TBC1D19: variants seen among roughly 807,000 people sequenced by gnomAD.
TBC1D19 encodes the protein TBC1 domain family, member 19.
TBC1D19 carries 60 observed loss-of-function variants against 89.0 expected under a neutral mutation model. The ratio of observed to expected loss-of-function variants is 0.67; its 90% CI spans 0.55 to 0.84. TBC1D19 has a LOEUF of 0.84. Ranked by LOEUF, TBC1D19 falls within the 40% of genes least tolerant of loss-of-function variation. The probability of loss-of-function intolerance (pLI) is 0.00; values close to 1 mark genes in which losing one functional copy is unlikely to be tolerated. For synonymous variants in TBC1D19, 189 were observed against 199.7 expected (o/e 0.95, Z 0.45); for missense variants, 500 against 610.8 (o/e 0.82, Z 1.91).
chr4:26,661,795 C>T (rs1329869011), intron 8 of TBC1D19, among the ~76,000 whole-genome samples: 3 of 152,144 alleles, frequency 2.0e-5, no homozygotes, highest in African/African-American at 4.8e-5. Flanking sequence ...TACATCATCA[C>T]GGAGAGTCCT....
At chr4:26,665,810 T>C (rs531339613) in intron 8 of TBC1D19, among the ~76,000 whole-genome samples, 1 of 152,156 alleles carries the variant, frequency 6.6e-6, no homozygotes, top group East Asian at 1.9e-4. Context: ...GGTTTAAAGT[T>C]AGTTTTTTAC....
chr4:26,811,086 C>A, the TBC1D19 span, among the ~76,000 whole-genome samples: 54 of 152,260 alleles, frequency 3.5e-4, no homozygotes, highest in Admixed American at 8.5e-4. Flanking sequence ...TTTACAATAG[C>A]AAAGACTTGG....
At chr4:26,619,617 C>G (rs983134167) in intron 3 of TBC1D19, among the ~76,000 whole-genome samples, 7 of 152,048 alleles carry the variant, frequency 4.6e-5, no homozygotes, top group African/African-American at 1.7e-4. Flanking sequence ...ACATATAAGA[C>G]AAGAAATATC....
chr4:26,633,380 G>C (rs1742920655), intron 4 of TBC1D19, among the ~76,000 whole-genome samples: 1 of 152,038 alleles, frequency 6.6e-6, no homozygotes, highest in African/African-American at 2.4e-5. Flanking sequence ...GTGGTGTTCT[G>C]CGAGGTGAAG....
chr4:26,666,186 C>A, intron 8 of TBC1D19, 147 bp from the exon 9 acceptor site: 1 of 540,940 alleles, frequency 1.8e-6, no homozygotes, highest in Non-Finnish European at 3.2e-6. Flanking sequence ...TTTAATATGT[C>A]CTTTTCTTTT....
intron 14 of TBC1D19, 109 bp from the exon 15 acceptor site, chr4:26,719,972 T>G: frequency 1.2e-6 from 1 of 808,854 alleles, no homozygotes. Context: ...GACATATCAG[T>G]TTATAGTAGT....
intron 19 of TBC1D19, among the ~76,000 whole-genome samples, chr4:26,751,615 C>G (rs1718966780): frequency 6.6e-6 from 1 of 152,198 alleles, no homozygotes; most frequent in African/African-American, 2.4e-5. Context: ...TATTCACTAA[C>G]TCCAGCTGAC....
intron 13 of TBC1D19, among the ~76,000 whole-genome samples, chr4:26,689,977 C>T (rs1261176210): frequency 1.3e-5 from 2 of 152,124 alleles, no homozygotes; most frequent in Non-Finnish European, 2.9e-5. Flanking sequence ...GCCTCTTGCA[C>T]CAAACAGCCA....
At chr4:26,808,104 G>A in the TBC1D19 span, among the ~76,000 whole-genome samples, 29 of 152,326 alleles carry the variant, frequency 1.9e-4, no homozygotes, top group East Asian at 2.7e-3. Flanking sequence ...TCGTCATGCC[G>A]TCATTGAGGA....
At chr4:26,653,412 A>G (rs1744549182) in intron 7 of TBC1D19, among the ~76,000 whole-genome samples, 1 of 152,120 alleles carries the variant, frequency 6.6e-6, no homozygotes, top group Non-Finnish European at 1.5e-5. Context: ...AGTTCAGTTC[A>G]ATTCCTGGAT....
intron 7 of TBC1D19, among the ~76,000 whole-genome samples, chr4:26,647,973 C>A (rs1744085366): frequency 6.6e-6 from 1 of 152,060 alleles, no homozygotes. Context: ...TTGCCTTTTT[C>A]CATTACAAAG....
chr4:26,641,089 A>T (rs1743477921), intron 7 of TBC1D19, among the ~76,000 whole-genome samples: 1 of 152,234 alleles, frequency 6.6e-6, no homozygotes, highest in African/African-American at 2.4e-5. Flanking sequence ...GAACAGACAG[A>T]CTGCCTCCTC....
intron 3 of TBC1D19, among the ~76,000 whole-genome samples, chr4:26,616,144 A>G (rs1234811321): frequency 6.6e-6 from 1 of 152,180 alleles, no homozygotes; most frequent in Non-Finnish European, 1.5e-5. Context: ...AAAAAAGCAG[A>G]TGGGAGATCA....
Position 26,666,335 on chromosome 4 carries a change from A to G in TBC1D19, c.594A>G (p.Lys198=). The change falls in exon 9 of 21, where the codon AAA becomes AAG. Residue 198 remains lysine, a splice_region_variant and synonymous_variant. Coordinates refer to ENST00000264866, the MANE Select transcript of TBC1D19 (RefSeq NM_018317.4). ...ATTCTACGTATGTTATTTTTCAGAAAGAATGCTTTGTGGAACTTGGCTTAA... is the reference window on the plus strand; with the variant it reads ...ATTCTACGTATGTTATTTTTCAGAAGGAATGCTTTGTGGAACTTGGCTTAA... ...PLKVKDIPEL[K]ECFVELGLNI... The G allele has an allele frequency of 6.2e-7, 1 of 1,610,588 alleles. No homozygotes were observed. The highest frequency in any genetic ancestry group is 8.5e-7 in the Non-Finnish European group (1 of 1,177,854).
chr4:26,617,713 T>C (rs893876179), intron 3 of TBC1D19, among the ~76,000 whole-genome samples: 1 of 152,232 alleles, frequency 6.6e-6, no homozygotes, highest in Non-Finnish European at 1.5e-5. Flanking sequence ...GATCAATTTA[T>C]TTCTGTGTGT....
At chr4:26,727,661 G>A (rs181002147) in intron 15 of TBC1D19, among the ~76,000 whole-genome samples, 7 of 152,258 alleles carry the variant, frequency 4.6e-5, no homozygotes, top group East Asian at 1.9e-4. Flanking sequence ...GCAAGGGTTC[G>A]TAACTTGCCC....
intron 7 of TBC1D19, among the ~76,000 whole-genome samples, chr4:26,650,381 C>T (rs923274393): frequency 1.3e-5 from 2 of 152,134 alleles, no homozygotes; most frequent in African/African-American, 4.8e-5. Flanking sequence ...CCTGTTGTTT[C>T]CTGACTTTTT....
rs577744468 is a variant in TBC1D19 at position 26,747,950 on chromosome 4, A to T, written c.1320-461A>T. ...ATACTCATACTTGTTATTTTATTTT[A>T]TTCATCCTATATAGCCATTTGACTG... On this transcript the variant is annotated intron_variant, in intron 18 of 20. Transcript: ENST00000264866. 1.9e-3 allele frequency among the ~76,000 whole-genome samples: 295 copies of T among 152,284 alleles called. 1 individual carries two copies. The highest frequency in any genetic ancestry group is 3.3e-3 in the Non-Finnish European group (224 of 68,002).
chr4:26,843,813 G>A, the TBC1D19 span, among the ~76,000 whole-genome samples: 14 of 152,180 alleles, frequency 9.2e-5, no homozygotes, highest in Non-Finnish European at 1.8e-4. Flanking sequence ...CTTCTGGGGA[G>A]GCCTTGGAGA....
Sources: allele counts gnomAD v4.1 joint callset (sites outside exome capture counted in the v4.1 genomes callset), GRCh38; gene constraint gnomAD v4.1.1; transcripts MANE v1.5; gene names NCBI Gene and HGNC (gene_info 2026-07-23, HGNC 2026-07-21).